The following WDR44 variants were observed in gnomAD, a reference collection of about 807,000 sequenced individuals.
The protein encoded by WDR44 is WD repeat-containing protein 44.
Under a neutral mutation model 65.7 loss-of-function variants are expected in WDR44, and 9 were observed. The ratio of observed to expected loss-of-function variants is 0.14; its 90% CI spans 0.08 to 0.24. The LOEUF (loss-of-function observed/expected upper bound fraction) is 0.24. Among genes scored for constraint, WDR44 ranks in the 10% least tolerant of loss-of-function variants. The pLI, the probability that WDR44 is intolerant of heterozygous loss-of-function variation, is 1.00. For missense variants in WDR44, 425 were observed against 670.9 expected (o/e 0.63, Z 4.05); for synonymous variants, 220 against 235.2 (o/e 0.94, Z 0.59).
intron 1 of WDR44, among the ~76,000 whole-genome samples, chrX:118,375,176 GT>G (rs374967236): frequency 9.1e-6 from 1 of 109,480 alleles, no homozygotes; most frequent in African/African-American, 3.3e-5. Context: ...TGGCTTCCTG[GT>G]TTTTTTTTGT....
intron 1 of WDR44, among the ~76,000 whole-genome samples, chrX:118,359,452 TA>T (rs2056493330): frequency 8.9e-6 from 1 of 112,298 alleles, no homozygotes; most frequent in African/African-American, 3.2e-5. Flanking sequence ...TTTATGTCAG[TA>T]AATACATTAT....
Position 118,444,476 on chromosome X carries a change from T to A in WDR44, c.2629T>A (p.Leu877Met). 2 of 1,211,470 alleles carry A rather than the reference T, an allele frequency of 1.7e-6. No individual in the cohort carries two copies. Among genetic ancestry groups the A allele is most frequent in the Non-Finnish European group, 2.2e-6 (2 of 895,152 alleles). The change falls in exon 19 of 20, where the codon TTG (leucine) becomes ATG (methionine). Residue 877 changes from leucine (L) to methionine (M), a missense_variant. This residue lies in a region of WDR44 where 37 missense variants were observed against 40.9 expected (regional missense o/e 0.90). Coordinates refer to ENST00000254029, the MANE Select transcript of WDR44 (RefSeq NM_019045.5). ...GNEKSEDAEV[L>M]DATPSGIMKT... ...CGAGAAAAGTGAAGATGCTGAAGTT[T>A]TGGATGCCACACCTTCTGGTAAATC...
intron 1 of WDR44, among the ~76,000 whole-genome samples, chrX:118,376,515 A>T (rs1047578745): frequency 2.7e-5 from 3 of 111,232 alleles, no homozygotes; most frequent in Non-Finnish European, 5.6e-5. Context: ...TTTCAATTCA[A>T]ATTTGCATCA....
At chrX:118,371,152 A>G (rs1404188235) in intron 1 of WDR44, among the ~76,000 whole-genome samples, 3 of 111,990 alleles carry the variant, frequency 2.7e-5, no homozygotes, top group Non-Finnish European at 5.6e-5. Context: ...ATATGTGGCA[A>G]TATGGATAAA....
rs867768350 is a variant in WDR44, at chrX:118,359,962, A to G, written c.77+13382A>G. Among the ~76,000 whole-genome samples, 5 of 111,882 alleles carry G rather than the reference A, an allele frequency of 4.5e-5. No homozygotes were observed. The South Asian group carries it at 1.1e-3, about 24-fold the overall frequency. Reference sequence around the variant, plus strand: ...GATTTCTATTTTCTGCTGCCTAGTTACCTGAGATTTTGGGATGTACTAGGA... The same window carrying G: ...GATTTCTATTTTCTGCTGCCTAGTTGCCTGAGATTTTGGGATGTACTAGGA... On this transcript the variant is annotated intron_variant, in intron 1 of 19. Transcript: ENST00000254029.
At position 118,392,716 on chromosome X, in the gene WDR44, G is replaced by C. The variant is rs774619720; in HGVS notation, c.271G>C (p.Asp91His). The change falls in exon 4 of 20, where the codon GAT becomes CAT. Residue 91 changes from aspartate (D) to histidine (H), a missense_variant. Transcript: ENST00000254029. ...SLDSKGKELS[D>H]QATASPIVAR... ...GGATTCCAAAGGAAAAGAACTCTCT[G>C]ATCAAGCTACTGCCAGTCCTATTGT... 5.8e-6 allele frequency: 7 copies of C among 1,211,501 alleles called. No individual in the cohort carries two copies. The highest frequency in any genetic ancestry group is 6.7e-6 in the Non-Finnish European group (6 of 895,294).
chrX:118,447,157 G>A, intron 19 of WDR44: 1 of 284,864 alleles, frequency 3.5e-6, no homozygotes, highest in Admixed American at 4.1e-5. Flanking sequence ...ACAGGCATGA[G>A]ACATCATACC....
chrX:118,419,034 GC>G (rs752870651), intron 12 of WDR44, among the ~76,000 whole-genome samples: 1 of 111,204 alleles, frequency 9.0e-6, no homozygotes, highest in South Asian at 3.8e-4. Flanking sequence ...CTCCCACCAT[GC>G]CCCCTCAACA....
At chrX:118,414,292 G>GT (rs200606277) in intron 12 of WDR44, among the ~76,000 whole-genome samples, 18,278 of 71,535 alleles carry the variant, frequency 0.26, 2,175 homozygotes, top group African/African-American at 0.37. Flanking sequence ...CCATGGTTTT[G>GT]TGTTTTTTTT....
intron 9 of WDR44, among the ~76,000 whole-genome samples, chrX:118,405,117 C>A (rs2056952805): frequency 9.0e-6 from 1 of 110,604 alleles, no homozygotes; most frequent in African/African-American, 3.3e-5. Flanking sequence ...CTCACTGCAA[C>A]CTCCGTCTCC....
intron 1 of WDR44, among the ~76,000 whole-genome samples, chrX:118,369,264 C>T (rs1190172486): frequency 6.4e-5 from 7 of 109,605 alleles, no homozygotes; most frequent in South Asian, 3.9e-4. Flanking sequence ...CTCCGCCTCC[C>T]GGGTTCACGC....
chrX:118,411,077 A>G (rs1404760996), intron 12 of WDR44, 118 bp downstream of exon 12: 3 of 571,435 alleles, frequency 5.2e-6, no homozygotes, highest in Middle Eastern at 5.4e-4. Context: ...TAAAATTAAG[A>G]TGTATCATTA....
intron 12 of WDR44, among the ~76,000 whole-genome samples, chrX:118,428,611 A>G (rs754484046): frequency 8.9e-6 from 1 of 112,143 alleles, no homozygotes; most frequent in South Asian, 3.7e-4. Flanking sequence ...AGGGGAATGT[A>G]AATTAGTTCA....
chrX:118,444,214 AT>A lies in WDR44; in HGVS notation c.2513-138del, dbSNP rs751761121. The A allele has an allele frequency of 6.7e-5, 41 of 616,331 alleles. No individual in the cohort carries two copies. In the East Asian group the frequency reaches 1.2e-3, roughly 18 times the overall value. The allele number at this position is 616,331 out of a possible 1,213,427, so 50.8% of individuals were successfully genotyped here. ...CAGGGAATTTCAGAACTTATATGTGATTTTTTTTAGAAAAATTTTTGGGTTT... is the reference window on the plus strand; with the variant it reads ...CAGGGAATTTCAGAACTTATATGTGATTTTTTTAGAAAAATTTTTGGGTTT... On this transcript the variant is annotated intron_variant, in intron 18 of 19. Coordinates refer to ENST00000254029, the MANE Select transcript of WDR44 (RefSeq NM_019045.5).
chrX:118,375,256 A>G (rs771900761), intron 1 of WDR44, among the ~76,000 whole-genome samples: 1 of 111,053 alleles, frequency 9.0e-6, no homozygotes, highest in Non-Finnish European at 1.9e-5. Context: ...GTTGCTGGAA[A>G]GGCCAAGTTT....
chrX:118,394,580 A>C (rs762664095), intron 5 of WDR44, among the ~76,000 whole-genome samples: 1 of 110,305 alleles, frequency 9.1e-6, no homozygotes, highest in Non-Finnish European at 1.9e-5. Context: ...TTTTTTTATA[A>C]TTTCCTTTTC....
intron 1 of WDR44, among the ~76,000 whole-genome samples, chrX:118,376,403 G>C (rs1466537973): frequency 9.0e-6 from 1 of 111,512 alleles, no homozygotes; most frequent in Non-Finnish European, 1.9e-5. Context: ...TCTTGGTTGT[G>C]CTCCAAAATA....
intron 3 of WDR44, among the ~76,000 whole-genome samples, chrX:118,390,351 C>T (rs2056809111): frequency 1.8e-5 from 2 of 111,434 alleles, no homozygotes; most frequent in Admixed American, 1.9e-4. Flanking sequence ...CAGGGCTAGG[C>T]ACCATAAGAA....
intron 1 of WDR44, among the ~76,000 whole-genome samples, chrX:118,358,023 A>C (rs2056477519): frequency 1.8e-5 from 2 of 111,039 alleles, no homozygotes; most frequent in African/African-American, 6.6e-5. Flanking sequence ...GATACAAAAA[A>C]TTAGCTGGGC....
Sources: gnomAD v4.1 joint callset for allele counts (sites outside exome capture counted in the v4.1 genomes callset) on GRCh38, gnomAD v4.1.1 for gene constraint, gnomAD v4.1.1 regional missense constraint, MANE v1.5 for transcripts, NCBI Gene and HGNC (gene_info 2026-07-23, HGNC 2026-07-21) for gene names.